The following EPS8 variants were observed in gnomAD, a reference collection of about 807,000 sequenced individuals.
EPS8 encodes the protein EGFR pathway substrate 8, signaling adaptor, also known as epidermal growth factor receptor kinase substrate 8.
Under a neutral mutation model 103.8 loss-of-function variants are expected in EPS8, and 42 were observed. That is an observed-to-expected ratio of 0.40 (90% CI 0.32 to 0.52). The LOEUF (loss-of-function observed/expected upper bound fraction) is 0.52, where lower values mean the gene tolerates loss of function less well. EPS8 is among the 20% of genes least tolerant of loss of function. EPS8 has a pLI of 0.40. For missense variants in EPS8, 969 were observed against 1,005.1 expected, an observed-to-expected ratio of 0.96 and a Z score of 0.49; for synonymous variants, 344 against 344.6, an observed-to-expected ratio of 1.00 and a Z score of 0.02.
chr12:15,782,163 T>C (rs1947266776), intron 1 of EPS8: 1 of 152,094 alleles, frequency 6.6e-6, no homozygotes, highest in Non-Finnish European at 1.5e-5. Context: ...TTTCAATAAA[T>C]ATATTTGGAA....
intron 1 of EPS8, among the ~76,000 whole-genome samples, chr12:15,763,894 G>A (rs1268158307): frequency 6.6e-6 from 1 of 152,082 alleles, no homozygotes; most frequent in Non-Finnish European, 1.5e-5. Flanking sequence ...TACCTCTCAA[G>A]TAGATTTCTT....
chr12:15,722,477 T>C (rs1946607644), intron 1 of EPS8, among the ~76,000 whole-genome samples: 1 of 152,230 alleles, frequency 6.6e-6, no homozygotes, highest in Admixed American at 6.5e-5. Flanking sequence ...GAATGTTGTC[T>C]TAATGTAAAA....
rs1213947272 is a variant in EPS8, at chr12:15,777,557, A to G, written c.-22+11604T>C. On this transcript the variant is annotated intron_variant, in intron 1 of 20. Transcript: ENST00000281172. The surrounding 1 kb of genome is among the most constrained non-coding windows in gnomAD (Gnocchi z 4.7). Reference sequence around the variant, plus strand: ...TTTGTTTCAAACCCCCTAGCAGCCTAAACTTAACCTTCACTGTCATAACCA... The same window carrying G: ...TTTGTTTCAAACCCCCTAGCAGCCTGAACTTAACCTTCACTGTCATAACCA... Among the ~76,000 whole-genome samples the G allele has an allele frequency of 6.6e-6, 1 of 152,208 alleles. No individual in the cohort carries two copies. Among genetic ancestry groups the G allele is most frequent in the Admixed American group, 6.5e-5 (1 of 15,272 alleles).
intron 12 of EPS8, 39 bp from the exon 13 acceptor site, chr12:15,654,332 T>C (rs1384056613): frequency 1.3e-6 from 2 of 1,590,906 alleles, no homozygotes; most frequent in Non-Finnish European, 1.7e-6. Flanking sequence ...AAGATTACTA[T>C]TCTTTGTGTA....
chr12:15,649,992 T>A (rs1208785774), intron 14 of EPS8, among the ~76,000 whole-genome samples: 4 of 152,232 alleles, frequency 2.6e-5, no homozygotes, highest in African/African-American at 9.6e-5. Flanking sequence ...CGGGTTCTGA[T>A]CATCCTATTT....
In EPS8 at chr12:15,736,669, G is replaced by A. The variant is rs1170462785; in HGVS notation, c.-22+52492C>T. On this transcript the variant is annotated intron_variant, in intron 1 of 20. Transcript: ENST00000281172. The surrounding 1 kb of genome is among the most constrained non-coding windows in gnomAD (Gnocchi z 4.2). ...AATTTGAATTTAGGAAGCTAGGGTT[G>A]CTAGATGTGGCAGAAAGAAGAAAGA... Among the ~76,000 whole-genome samples, 1 of 152,272 alleles carries A rather than the reference G, an allele frequency of 6.6e-6. No homozygotes were observed. Among genetic ancestry groups the A allele is most frequent in the East Asian group, 1.9e-4 (1 of 5,186 alleles).
chr12:15,632,870 G>A (rs1358403794), intron 17 of EPS8, among the ~76,000 whole-genome samples: 1 of 152,154 alleles, frequency 6.6e-6, no homozygotes, highest in Non-Finnish European at 1.5e-5. Flanking sequence ...GGAAACCGGT[G>A]TGGGAAGGAG....
rs1945106030 is a variant in EPS8 at position 15,634,683 on chromosome 12, T to C, written c.1822-3019A>G. ...TTTGGAGGGTGTTAAGTTGAGAGAC[T>C]GAATCCAAAAAATTATATTAAAAAG... On this transcript the variant is annotated intron_variant, in intron 17 of 20. Transcript: ENST00000281172. 9 of 398,554 alleles carry C rather than the reference T, an allele frequency of 2.3e-5. No individual in the cohort carries two copies. The East Asian group carries it at 2.5e-4, about 11-fold the overall frequency. 24.7% of individuals were successfully genotyped at this position (398,554 alleles called of 1,614,324 possible).
rs1236369096 is a variant in EPS8 at position 15,650,892 on chromosome 12, T to C, written c.1365A>G (p.Gln455=). The C allele has an allele frequency of 2.5e-6, 4 of 1,614,044 alleles. No individual in the cohort carries two copies. Among genetic ancestry groups the C allele is most frequent in the African/African-American group, 2.7e-5 (2 of 74,936 alleles). The part of the protein sequence containing the change: ...MGATMEQDLY[Q]LAESVANVAE... ...CTACATTTGCCACAGATTCTGCCAG[T>C]TGATAAAGATCTTGTTCCATTGTGG... The change falls in exon 14 of 21, where the codon CAA becomes CAG. Residue 455 remains glutamine, a synonymous_variant. Transcript: ENST00000281172.
In EPS8 at chr12:15,736,564, C is replaced by G. The variant is rs1946768705; in HGVS notation, c.-22+52597G>C. 6.6e-6 allele frequency among the ~76,000 whole-genome samples: 1 copy of G among 152,084 alleles called. No individual in the cohort carries two copies. The highest frequency in any genetic ancestry group is 2.4e-5 in the African/African-American group (1 of 41,408). On this transcript the variant is annotated intron_variant, in intron 1 of 20. Coordinates refer to ENST00000281172, the MANE Select transcript of EPS8 (RefSeq NM_004447.6). This position sits in a 1 kb window ranked among gnomAD's most constrained non-coding sequence, Gnocchi z 4.2. The stretch of plus-strand genomic sequence containing the variant: ...AGATGCCCTCAAGCTTGGTTAAGAT[C>G]TTATTAATAAATCTTTCTTTTTCTA...
chr12:15,643,740 G>GAAAA (rs56952348), intron 15 of EPS8, among the ~76,000 whole-genome samples: 1 of 76,994 alleles, frequency 1.3e-5, no homozygotes, highest in South Asian at 4.4e-4. Context: ...ACTCTGTCTC[G>GAAAA]AAAAAAAAAA....
At chr12:15,624,602 A>C (rs1944915085) in intron 18 of EPS8, among the ~76,000 whole-genome samples, 195 bp from the exon 19 acceptor site, 1 of 152,114 alleles carries the variant, frequency 6.6e-6, no homozygotes, top group South Asian at 2.1e-4. Context: ...GCTCTTCTCT[A>C]GTCTCTTCAT....
At position 15,781,348 on chromosome 12, in the gene EPS8, T is replaced by C. The variant is rs1330321956; in HGVS notation, c.-22+7813A>G. On this transcript the variant is annotated intron_variant, in intron 1 of 20. Coordinates refer to ENST00000281172, the MANE Select transcript of EPS8 (RefSeq NM_004447.6). This position sits in a 1 kb window ranked among gnomAD's most constrained non-coding sequence, Gnocchi z 4.1. ...AGGACACTCTGGCCATCCTTGCCCT[T>C]TTTCTTTAATAAGGGCAGCACAACC... Among the ~76,000 whole-genome samples, 1 of 152,166 alleles carries C rather than the reference T, an allele frequency of 6.6e-6. No individual in the cohort carries two copies. Among genetic ancestry groups the C allele is most frequent in the East Asian group, 1.9e-4 (1 of 5,190 alleles).
intron 1 of EPS8, among the ~76,000 whole-genome samples, chr12:15,782,656 AT>A (rs1947271890): frequency 6.6e-6 from 1 of 152,234 alleles, no homozygotes; most frequent in Non-Finnish European, 1.5e-5. Flanking sequence ...TAACCATAAA[AT>A]TTATTAGAAA....
chr12:15,723,136 C>G (rs1486713517), intron 1 of EPS8, among the ~76,000 whole-genome samples: 2 of 151,974 alleles, frequency 1.3e-5, no homozygotes, highest in Non-Finnish European at 2.9e-5. Flanking sequence ...ATGGTGAAAT[C>G]TCCTCTCTAC....
intron 2 of EPS8, 145 bp downstream of exon 2, chr12:15,682,748 G>A (rs931815511): frequency 1.0e-5 from 6 of 581,030 alleles, no homozygotes; most frequent in Non-Finnish European, 1.8e-5. Flanking sequence ...AATAACATGT[G>A]TTGTAACAAA....
At chr12:15,744,878 A>G (rs1946859861) in intron 1 of EPS8, among the ~76,000 whole-genome samples, 1 of 151,966 alleles carries the variant, frequency 6.6e-6, no homozygotes, top group Non-Finnish European at 1.5e-5. Context: ...TTTTTTTATT[A>G]CTATTATTTT....
chr12:15,624,445 C>A (rs773357964), intron 18 of EPS8, 38 bp from the exon 19 acceptor site: 3 of 1,454,560 alleles, frequency 2.1e-6, no homozygotes, highest in Non-Finnish European at 2.8e-6. Context: ...TTTGAAAATC[C>A]CTAATATTAC....
intron 1 of EPS8, among the ~76,000 whole-genome samples, chr12:15,712,038 CTGAG>C (rs1183063373): frequency 3.9e-5 from 6 of 152,168 alleles, no homozygotes; most frequent in African/African-American, 4.8e-5. Context: ...AAAGTTCCTT[CTGAG>C]TAAGATTAAA....
Sources: allele counts gnomAD v4.1 joint callset (sites outside exome capture counted in the v4.1 genomes callset), GRCh38; gene constraint gnomAD v4.1.1; non-coding constraint Gnocchi (gnomAD v3.1); transcripts MANE v1.5; gene names NCBI Gene and HGNC (gene_info 2026-07-23, HGNC 2026-07-21).